The following CEMIP variants were observed in gnomAD, a reference collection of about 807,000 sequenced individuals.
CEMIP encodes cell migration-inducing and hyaluronan-binding protein.
In CEMIP, 105 loss-of-function variants were observed where a neutral mutation model predicts 156.9. That is an observed-to-expected ratio of 0.67 (90% confidence interval 0.57 to 0.79). The LOEUF is 0.79. Ranked by LOEUF, CEMIP falls within the 30% of genes least tolerant of loss-of-function variation. CEMIP has a pLI of 0.00. For missense variants in CEMIP, 1,457 were observed against 1,769.4 expected (o/e 0.82, Z 3.17); for synonymous variants, 676 against 668.4 (o/e 1.01, Z -0.17).
chr15:80,884,052 A>C lies in CEMIP; in HGVS notation c.618-123A>C, dbSNP rs532236550. On this transcript the variant is annotated intron_variant, in intron 6 of 29. Transcript: ENST00000394685. ...CTTTAAAGAAAAGGCTTCCTTCTTTAAGAATCACAGCCCTGGGATCATCGG... is the reference window on the plus strand; with the variant it reads ...CTTTAAAGAAAAGGCTTCCTTCTTTCAGAATCACAGCCCTGGGATCATCGG... 1.8e-4 allele frequency: 176 copies of C among 972,318 alleles called. No homozygotes were observed. The African/African-American group carries it at 2.5e-3, about 14-fold the overall frequency. The allele number at this position is 972,318 out of a possible 1,614,324, so 60.2% of individuals were successfully genotyped here.
At chr15:80,792,149 C>A (rs531906929) in intron 1 of CEMIP, among the ~76,000 whole-genome samples, 188 of 152,308 alleles carry the variant, frequency 1.2e-3, no homozygotes, top group Non-Finnish European at 2.1e-3. Flanking sequence ...GAGAAAGTCA[C>A]AAAGGCTGGG....
At chr15:80,831,134 C>T (rs16972445) in intron 1 of CEMIP, among the ~76,000 whole-genome samples, 39,558 of 151,966 alleles carry the variant, frequency 0.26, 5,176 homozygotes, top group East Asian at 0.4. Context: ...GTGTGGGAAA[C>T]GGGTGACCTC....
intron 3 of CEMIP, among the ~76,000 whole-genome samples, chr15:80,875,273 G>T (rs1320965910): frequency 6.6e-6 from 1 of 152,016 alleles, no homozygotes; most frequent in African/African-American, 2.4e-5. Context: ...AGGCTCAAGG[G>T]ATCCTTCAGC....
chr15:80,813,312 C>G (rs1447510454), intron 1 of CEMIP, among the ~76,000 whole-genome samples: 4 of 151,780 alleles, frequency 2.6e-5, no homozygotes, highest in Admixed American at 1.3e-4. Context: ...CTGCCATCCT[C>G]CTCCTCGTTA....
At chr15:80,937,124 T>C (rs996544302) in intron 24 of CEMIP, among the ~76,000 whole-genome samples, 4 of 152,134 alleles carry the variant, frequency 2.6e-5, no homozygotes, top group African/African-American at 9.7e-5. Flanking sequence ...TCCTTGATCT[T>C]TGAGTTGAGG....
At chr15:80,865,128 C>G (rs1232464546) in intron 1 of CEMIP, among the ~76,000 whole-genome samples, 1 of 152,162 alleles carries the variant, frequency 6.6e-6, no homozygotes, top group African/African-American at 2.4e-5. Flanking sequence ...CATATACAAG[C>G]TGTGGAGGAC....
chr15:80,926,819 T>TGG (rs573787196), intron 19 of CEMIP, among the ~76,000 whole-genome samples: 575 of 23,274 alleles, frequency 0.025, 12 homozygotes, highest in African/African-American at 0.035. Flanking sequence ...ACTGAGCGGG[T>TGG]GGGGGGGGGG....
At chr15:80,798,401 T>C (rs1896287394) in intron 1 of CEMIP, among the ~76,000 whole-genome samples, 1 of 152,168 alleles carries the variant, frequency 6.6e-6, no homozygotes, top group African/African-American at 2.4e-5. Flanking sequence ...ATATGTTTTT[T>C]CCCAAGTTTT....
chr15:80,904,873 A>T (rs1315980417), intron 12 of CEMIP, among the ~76,000 whole-genome samples: 1 of 152,174 alleles, frequency 6.6e-6, no homozygotes, highest in Non-Finnish European at 1.5e-5. Flanking sequence ...GTTTACGGTA[A>T]TTTGTTACTG....
At chr15:80,940,616 A>T (rs114641784) in intron 25 of CEMIP, among the ~76,000 whole-genome samples, 3 of 152,198 alleles carry the variant, frequency 2.0e-5, no homozygotes, top group Admixed American at 6.5e-5. Context: ...GTCAGTTTCT[A>T]CTTTACTCTG....
intron 1 of CEMIP, among the ~76,000 whole-genome samples, chr15:80,825,235 A>AGT (rs113366050): frequency 0.018 from 2,770 of 150,782 alleles, 56 homozygotes; most frequent in African/African-American, 0.048. Flanking sequence ...ACCACTATGA[A>AGT]GTGTGTGTGT....
chr15:80,900,586 GT>G (rs1385540313), intron 12 of CEMIP, among the ~76,000 whole-genome samples: 381 of 29,140 alleles, frequency 0.013, no homozygotes, highest in South Asian at 0.082. Flanking sequence ...CCAGGTAGGG[GT>G]GTGTGTGTGT....
intron 1 of CEMIP, among the ~76,000 whole-genome samples, chr15:80,835,399 A>C (rs1257489411): frequency 6.6e-6 from 1 of 152,202 alleles, no homozygotes; most frequent in Non-Finnish European, 1.5e-5. Flanking sequence ...CCAATGCCTA[A>C]CCAGGCCCAA....
chr15:80,883,474 A>G (rs1223478619), intron 6 of CEMIP, among the ~76,000 whole-genome samples: 1 of 152,230 alleles, frequency 6.6e-6, no homozygotes, highest in African/African-American at 2.4e-5. Flanking sequence ...TTACCACAAT[A>G]AAGTAAAATA....
chr15:80,920,700 T>A (rs1399780557), intron 15 of CEMIP, among the ~76,000 whole-genome samples: 1 of 152,186 alleles, frequency 6.6e-6, no homozygotes, highest in African/African-American at 2.4e-5. Context: ...GCAGTCAGCC[T>A]TCCAAGTGCA....
chr15:80,829,724 T>C (rs974883159), intron 1 of CEMIP, among the ~76,000 whole-genome samples: 1 of 152,206 alleles, frequency 6.6e-6, no homozygotes, highest in African/African-American at 2.4e-5. Flanking sequence ...GGGCCTAATG[T>C]AGATGCACCT....
At chr15:80,860,565 C>A (rs755123862) in intron 1 of CEMIP, among the ~76,000 whole-genome samples, 1 of 152,212 alleles carries the variant, frequency 6.6e-6, no homozygotes, top group African/African-American at 2.4e-5. Flanking sequence ...AAACACCACA[C>A]CCAGTGGTGG....
chr15:80,936,802 T>G lies in CEMIP; in HGVS notation c.3138T>G (p.Val1046=), dbSNP rs1166907594. ...RSTHYQQYQP[V]VTLQKGYTIH... ...CCCATTACCAGCAATACCAACCGGTTGTCACCCTGCAGAAGGGCTACACCA... is the reference window on the plus strand; with the variant it reads ...CCCATTACCAGCAATACCAACCGGTGGTCACCCTGCAGAAGGGCTACACCA... Residue 1046 remains valine (V), a synonymous_variant, in exon 24 of 30, where the codon GTT becomes GTG. Coordinates refer to ENST00000394685, the MANE Select transcript of CEMIP (RefSeq NM_001293298.2). 6.2e-7 allele frequency: 1 copy of G among 1,614,158 alleles called. No individual in the cohort carries two copies. Among genetic ancestry groups the G allele is most frequent in the East Asian group, 2.2e-5 (1 of 44,876 alleles).
At chr15:80,926,316 G>C (rs1715693531) in intron 19 of CEMIP, among the ~76,000 whole-genome samples, 1 of 152,218 alleles carries the variant, frequency 6.6e-6, no homozygotes, top group Non-Finnish European at 1.5e-5. Context: ...GTCCCTATGT[G>C]AGTGACTGGC....
Sources: allele counts gnomAD v4.1 joint callset (sites outside exome capture counted in the v4.1 genomes callset), GRCh38; gene constraint gnomAD v4.1.1; transcripts MANE v1.5; gene names NCBI Gene and HGNC (gene_info 2026-07-23, HGNC 2026-07-21).